RGS7: variants seen among roughly 807,000 people sequenced by gnomAD.
RGS7 encodes the protein regulator of G protein signaling 7, also known as regulator of G-protein signaling 7.
Under a neutral mutation model 81.1 loss-of-function variants are expected in RGS7, and 27 were observed. That is an observed-to-expected ratio of 0.33 (90% CI 0.25 to 0.46). The LOEUF (loss-of-function observed/expected upper bound fraction) is 0.46. Among genes scored for constraint, RGS7 ranks in the 20% least tolerant of loss-of-function variants. The probability of loss-of-function intolerance (pLI) is 1.00; values close to 1 mark genes in which losing one functional copy is unlikely to be tolerated. For synonymous variants in RGS7, 208 were observed against 207.7 expected (o/e 1.00, Z -0.01); for missense variants, 396 against 607.4 (o/e 0.65, Z 3.66).
At chr1:240,822,550 C>T (rs952971046) in intron 10 of RGS7, among the ~76,000 whole-genome samples, 1 of 152,156 alleles carries the variant, frequency 6.6e-6, no homozygotes, top group Non-Finnish European at 1.5e-5. Flanking sequence ...TATTAAACTT[C>T]TATTTAATGC....
At chr1:240,926,260 G>T (rs1367836780) in intron 6 of RGS7, among the ~76,000 whole-genome samples, 1 of 152,080 alleles carries the variant, frequency 6.6e-6, no homozygotes, top group Admixed American at 6.6e-5. Flanking sequence ...TTCTTCTAGG[G>T]TTTTTATATT....
intron 2 of RGS7, among the ~76,000 whole-genome samples, chr1:241,348,117 C>T (rs1209259795): frequency 6.6e-6 from 1 of 151,964 alleles, no homozygotes; most frequent in East Asian, 1.9e-4. Context: ...ATTTAAAATC[C>T]AGGTCCTCAA....
At chr1:240,816,436 A>G (rs1048473954) in intron 10 of RGS7, 21 bp from the exon 11 acceptor site, 2 of 1,474,996 alleles carry the variant, frequency 1.4e-6, no homozygotes, top group Non-Finnish European at 1.9e-6. Context: ...ATAAAAAATA[A>G]ACATTTTAGG....
At chr1:241,059,747 A>C (rs751490175) in intron 3 of RGS7, among the ~76,000 whole-genome samples, 1 of 149,972 alleles carries the variant, frequency 6.7e-6, no homozygotes, top group Admixed American at 6.6e-5. Context: ...GTCCCACCAC[A>C]CGCAAAGCTC....
At chr1:240,919,299 T>A (rs1156707907) in intron 6 of RGS7, among the ~76,000 whole-genome samples, 21 of 152,088 alleles carry the variant, frequency 1.4e-4, no homozygotes, top group African/African-American at 5.1e-4. Flanking sequence ...AGACCAATAC[T>A]TCTCATAAAC....
intron 3 of RGS7, among the ~76,000 whole-genome samples, chr1:241,019,935 T>C (rs865950434): frequency 6.6e-6 from 1 of 152,344 alleles, no homozygotes; most frequent in South Asian, 2.1e-4. Flanking sequence ...CAGATTTTTC[T>C]TGCTGTAACA....
At chr1:241,266,747 A>G (rs1429446726) in intron 2 of RGS7, among the ~76,000 whole-genome samples, 1 of 152,222 alleles carries the variant, frequency 6.6e-6, no homozygotes, top group Non-Finnish European at 1.5e-5. Flanking sequence ...CACACCTAAA[A>G]CTTGCTAAGC....
At chr1:240,915,982 T>C (rs1405399943) in intron 6 of RGS7, among the ~76,000 whole-genome samples, 1 of 150,956 alleles carries the variant, frequency 6.6e-6, no homozygotes, top group Non-Finnish European at 1.5e-5. Context: ...AGACAGGAAA[T>C]GTCAGGCGCA....
chr1:240,807,844 G>A (rs1032308827), intron 14 of RGS7, among the ~76,000 whole-genome samples: 4 of 152,028 alleles, frequency 2.6e-5, no homozygotes, highest in African/African-American at 9.7e-5. Context: ...AGATCAGCCT[G>A]GCCAACATGG....
intron 2 of RGS7, among the ~76,000 whole-genome samples, chr1:241,266,501 C>T (rs1050841466): frequency 3.3e-5 from 5 of 152,136 alleles, no homozygotes; most frequent in Non-Finnish European, 7.4e-5. Flanking sequence ...CCATAATTGG[C>T]TAAATCTCTC....
intron 10 of RGS7, among the ~76,000 whole-genome samples, chr1:240,821,417 A>G (rs1434577389): frequency 6.6e-6 from 1 of 152,270 alleles, no homozygotes; most frequent in East Asian, 1.9e-4. Flanking sequence ...CCGCCACTGC[A>G]CCCCAGCCTG....
rs570140934 is a variant in RGS7, at chr1:240,787,484, T to A, written c.*7-11271A>T. Among the ~76,000 whole-genome samples, 81 of 152,302 alleles carry A rather than the reference T, an allele frequency of 5.3e-4. 1 individual carries two copies. The highest frequency in any genetic ancestry group is 1.8e-3 in the African/African-American group (76 of 41,570). On this transcript the variant is annotated intron_variant, in intron 18 of 18. Coordinates refer to ENST00000440928, the MANE Select transcript of RGS7 (RefSeq NM_001364886.1). ...TCTCTGTGATTGAAAAAGAGAAAGA[T>A]GTGCTTCATAACTAAACAAACAATG...
chr1:241,332,695 T>C, intron 2 of RGS7, among the ~76,000 whole-genome samples: 1 of 152,216 alleles, frequency 6.6e-6, no homozygotes, highest in East Asian at 1.9e-4. Flanking sequence ...GTGTTTTATA[T>C]CTCCCATCTG....
At chr1:241,170,497 AAAG>A (rs1281555086) in intron 2 of RGS7, among the ~76,000 whole-genome samples, 1 of 152,204 alleles carries the variant, frequency 6.6e-6, no homozygotes, top group East Asian at 1.9e-4. Context: ...AGAAACAGAG[AAAG>A]AAGGCCTGCA....
intron 4 of RGS7, among the ~76,000 whole-genome samples, chr1:240,955,130 T>A (rs1334205091): frequency 6.6e-6 from 1 of 152,176 alleles, no homozygotes; most frequent in African/African-American, 2.4e-5. Context: ...GAATGCTCAA[T>A]GTTTTAAAGA....
At position 241,186,510 on chromosome 1, in the gene RGS7, C is replaced by CAT. The variant is rs199710247; in HGVS notation, c.79-87750_79-87749dup. ...TTTCCCTCAAATTACATTTCCTAAC[C>CAT]ATATATATATATATTTTTTTTTTTT... On this transcript the variant is annotated intron_variant, in intron 2 of 18. Coordinates refer to ENST00000440928, the MANE Select transcript of RGS7 (RefSeq NM_001364886.1). 1,839 of 305,314 alleles carry CAT rather than the reference C, an allele frequency of 6.0e-3. 36 individuals carry two copies. The highest frequency in any genetic ancestry group is 0.037 in the African/African-American group (1,384 of 37,644). 18.9% of individuals were successfully genotyped at this position (305,314 alleles called of 1,614,324 possible). A position where few individuals can be genotyped will look rare whatever the true frequency, so the allele number is the denominator to read the frequency against.
chr1:241,312,187 G>A (rs1573623924), intron 2 of RGS7, among the ~76,000 whole-genome samples: 1 of 152,048 alleles, frequency 6.6e-6, no homozygotes, highest in Admixed American at 6.5e-5. Flanking sequence ...TTGCACATTT[G>A]TAATGTGTCA....
At chr1:240,848,031 C>T (rs1336237704) in intron 9 of RGS7, among the ~76,000 whole-genome samples, 1 of 152,066 alleles carries the variant, frequency 6.6e-6, no homozygotes, top group Non-Finnish European at 1.5e-5. Context: ...AACAAATACA[C>T]TAAAATAGGG....
chr1:240,813,985 A>T (rs1335805262), intron 12 of RGS7, among the ~76,000 whole-genome samples: 3 of 152,172 alleles, frequency 2.0e-5, no homozygotes, highest in African/African-American at 2.4e-5. Context: ...GTTAACATGA[A>T]GCACTATGGA....
Sources: gnomAD v4.1 joint callset for allele counts (sites outside exome capture counted in the v4.1 genomes callset) on GRCh38, gnomAD v4.1.1 for gene constraint, MANE v1.5 for transcripts, NCBI Gene and HGNC (gene_info 2026-07-23, HGNC 2026-07-21) for gene names.